The following PTN variants were observed in gnomAD, a reference collection of about 807,000 sequenced individuals.
PTN encodes pleiotrophin.
Under a neutral mutation model 24.1 loss-of-function variants are expected in PTN, and 18 were observed. The observed-to-expected ratio is 0.75, with a 90% CI of 0.52 to 1.11. PTN has a LOEUF of 1.11. Among genes scored for constraint, PTN ranks in the 50% least tolerant of loss-of-function variants. The probability of loss-of-function intolerance (pLI) is 0.00; values close to 1 mark genes in which losing one functional copy is unlikely to be tolerated. For synonymous variants in PTN, 78 were observed against 68.6 expected, an observed-to-expected ratio of 1.14 and a Z score of -0.67; for missense variants, 163 against 198.8, an observed-to-expected ratio of 0.82 and a Z score of 1.08.
rs1808396355 is a variant in PTN, at chr7:137,229,726, T to C, written c.452-1651A>G. Among the ~76,000 whole-genome samples the C allele has an allele frequency of 2.0e-5, 3 of 151,832 alleles. No individual in the cohort carries two copies. In the South Asian group the frequency reaches 6.2e-4, roughly 31 times the overall value. On this transcript the variant is annotated intron_variant, in intron 4 of 4. Coordinates refer to ENST00000348225, the MANE Select transcript of PTN (RefSeq NM_002825.7). The stretch of plus-strand genomic sequence containing the variant: ...TTCTATACTAAAGAAATTTAACTTT[T>C]CACGCTCTCTATTTTTGTTTGTTTT...
chr7:137,324,417 T>TAAAAAAAAAA (rs1366943397), intron 1 of PTN, among the ~76,000 whole-genome samples: 5 of 63,472 alleles, frequency 7.9e-5, no homozygotes, highest in African/African-American at 4.3e-4. Flanking sequence ...ACCCTGTCTC[T>TAAAAAAAAAA]AAAAAAAAAA....
chr7:137,308,482 T>C (rs1302373448), intron 1 of PTN, among the ~76,000 whole-genome samples: 1 of 152,222 alleles, frequency 6.6e-6, no homozygotes, highest in Non-Finnish European at 1.5e-5. Flanking sequence ...CTTTTGAAAC[T>C]GCTCAAGGGA....
intron 1 of PTN, among the ~76,000 whole-genome samples, chr7:137,300,298 C>T (rs2128878389): frequency 6.6e-6 from 1 of 152,066 alleles, no homozygotes; most frequent in Admixed American, 6.6e-5. Context: ...AATTCATCAG[C>T]TATTTCAAAT....
intron 1 of PTN, among the ~76,000 whole-genome samples, chr7:137,308,110 T>G (rs1809919048): frequency 6.6e-6 from 1 of 152,200 alleles, no homozygotes; most frequent in Admixed American, 6.5e-5. Context: ...CTTGATTTTC[T>G]TACGGCGTGA....
chr7:137,284,351 T>C (rs1346377325), intron 1 of PTN, among the ~76,000 whole-genome samples: 1 of 152,066 alleles, frequency 6.6e-6, no homozygotes, highest in African/African-American at 2.4e-5. Context: ...ACAGTTACCA[T>C]GTCAAAAAGG....
At chr7:137,275,902 C>T (rs1809352147) in intron 1 of PTN, among the ~76,000 whole-genome samples, 1 of 152,218 alleles carries the variant, frequency 6.6e-6, no homozygotes, top group Admixed American at 6.5e-5. Context: ...CTACTGACTT[C>T]AGATGGCATT....
intron 4 of PTN, among the ~76,000 whole-genome samples, chr7:137,244,112 C>G (rs1808681434): frequency 6.6e-6 from 1 of 152,100 alleles, no homozygotes; most frequent in African/African-American, 2.4e-5. Context: ...AATCTCTTTT[C>G]TTAAGAAATT....
chr7:137,269,248 CTT>C (rs1809222172), intron 1 of PTN, among the ~76,000 whole-genome samples: 1 of 152,082 alleles, frequency 6.6e-6, no homozygotes, highest in African/African-American at 2.4e-5. Flanking sequence ...TTTATCTAGT[CTT>C]TCTCTTTCTC....
At chr7:137,248,048 A>T (rs1808754527) in intron 4 of PTN, among the ~76,000 whole-genome samples, 1 of 152,190 alleles carries the variant, frequency 6.6e-6, no homozygotes, top group African/African-American at 2.4e-5. Flanking sequence ...ATGGGACTTT[A>T]TAAGTTACCA....
At chr7:137,244,171 A>C (rs1808682121) in intron 4 of PTN, among the ~76,000 whole-genome samples, 1 of 152,112 alleles carries the variant, frequency 6.6e-6, no homozygotes. Flanking sequence ...TCCCTGCCAG[A>C]CTCTGGTAAT....
At chr7:137,254,107 G>A (rs1808875569) in intron 2 of PTN, among the ~76,000 whole-genome samples, 1 of 152,084 alleles carries the variant, frequency 6.6e-6, no homozygotes, top group Non-Finnish European at 1.5e-5. Flanking sequence ...AGACCATCCT[G>A]GCTAACATGG....
intron 1 of PTN, among the ~76,000 whole-genome samples, chr7:137,285,100 T>G (rs1263325065): frequency 6.6e-6 from 1 of 152,196 alleles, no homozygotes; most frequent in Non-Finnish European, 1.5e-5. Flanking sequence ...GCAAAGCTAA[T>G]GAGCAAATCA....
chr7:137,316,101 C>G (rs1210187895), intron 1 of PTN, among the ~76,000 whole-genome samples: 1 of 152,190 alleles, frequency 6.6e-6, no homozygotes, highest in Non-Finnish European at 1.5e-5. Flanking sequence ...AATCCTCAGG[C>G]TCCACTGAAT....
intron 4 of PTN, among the ~76,000 whole-genome samples, chr7:137,244,612 T>C (rs778284318): frequency 7.2e-5 from 11 of 151,726 alleles, no homozygotes; most frequent in South Asian, 2.1e-4. Context: ...TTCCCACTTA[T>C]GAGTGAGAAC....
At chr7:137,312,739 CT>C (rs960605603) in intron 1 of PTN, among the ~76,000 whole-genome samples, 13 of 152,152 alleles carry the variant, frequency 8.5e-5, no homozygotes, top group Admixed American at 8.5e-4. Flanking sequence ...ATTGAAAACT[CT>C]TAAATTTTCA....
At chr7:137,267,059 A>G (rs1360336773) in intron 1 of PTN, among the ~76,000 whole-genome samples, 2 of 152,116 alleles carry the variant, frequency 1.3e-5, no homozygotes, top group Non-Finnish European at 2.9e-5. Context: ...GAATACCTTT[A>G]ATTATCAATT....
chr7:137,306,001 A>C (rs889237750), intron 1 of PTN, among the ~76,000 whole-genome samples: 1 of 152,058 alleles, frequency 6.6e-6, no homozygotes, highest in African/African-American at 2.4e-5. Flanking sequence ...CTCCCCTTAT[A>C]ATTCTACAGA....
intron 1 of PTN, among the ~76,000 whole-genome samples, chr7:137,340,817 T>G (rs1170559636): frequency 6.6e-6 from 1 of 152,186 alleles, no homozygotes; most frequent in Non-Finnish European, 1.5e-5. Flanking sequence ...TGGGCTGAGG[T>G]GCACTCAGGT....
intron 1 of PTN, among the ~76,000 whole-genome samples, chr7:137,268,267 G>A (rs901510779): frequency 1.3e-5 from 2 of 152,100 alleles, no homozygotes; most frequent in Non-Finnish European, 2.9e-5. Flanking sequence ...CCGCAGGGAT[G>A]TTCCACAGGG....
Sources: gnomAD v4.1 joint callset for allele counts (sites outside exome capture counted in the v4.1 genomes callset) on GRCh38, gnomAD v4.1.1 for gene constraint, MANE v1.5 for transcripts, NCBI Gene and HGNC (gene_info 2026-07-23, HGNC 2026-07-21) for gene names.